ARHGAP24: variants seen among roughly 807,000 people sequenced by gnomAD.
The protein encoded by ARHGAP24 is rho GTPase-activating protein 24.
A neutral mutation model predicts 76.4 loss-of-function variants in ARHGAP24; 50 were observed. The observed-to-expected ratio is 0.65, with a 90% CI of 0.52 to 0.83. The LOEUF (loss-of-function observed/expected upper bound fraction) is 0.83, where lower values mean the gene tolerates loss of function less well. ARHGAP24 is among the 40% of genes least tolerant of loss of function. The pLI, the probability that ARHGAP24 is intolerant of heterozygous loss-of-function variation, is 0.00. For synonymous variants in ARHGAP24, 345 were observed against 323.3 expected (o/e 1.07, Z -0.72); for missense variants, 930 against 914.2 (o/e 1.02, Z -0.22).
chr4:85,676,174 GTC>G (rs141704056), intron 2 of ARHGAP24, among the ~76,000 whole-genome samples: 12,753 of 152,190 alleles, frequency 0.084, 727 homozygotes, highest in Non-Finnish European at 0.13. Context: ...ATCTCACTGA[GTC>G]TGTTTCGGCA....
chr4:85,779,855 A>G (rs1034389778), intron 3 of ARHGAP24, among the ~76,000 whole-genome samples: 29 of 152,182 alleles, frequency 1.9e-4, no homozygotes, highest in African/African-American at 6.5e-4. Context: ...ATAAAACAAC[A>G]ATGGAGAACA....
At chr4:85,820,300 A>G (rs922502581) in intron 3 of ARHGAP24, among the ~76,000 whole-genome samples, 22 of 152,230 alleles carry the variant, frequency 1.4e-4, no homozygotes, top group African/African-American at 5.1e-4. Context: ...AATACTATGC[A>G]GTCATGAAAA....
intron 2 of ARHGAP24, among the ~76,000 whole-genome samples, chr4:85,625,832 CT>C (rs1160127376): frequency 6.6e-6 from 1 of 152,132 alleles, no homozygotes; most frequent in African/African-American, 2.4e-5. Context: ...TAATGGCCTT[CT>C]TTGTCTCTTT....
chr4:85,526,602 C>T (rs1013243984), intron 1 of ARHGAP24, among the ~76,000 whole-genome samples: 10 of 151,868 alleles, frequency 6.6e-5, no homozygotes, highest in Non-Finnish European at 1.0e-4. Flanking sequence ...TTCATGGGAT[C>T]GTTTTCCCTA....
intron 3 of ARHGAP24, among the ~76,000 whole-genome samples, chr4:85,799,475 T>C (rs965050160): frequency 4.6e-5 from 7 of 152,174 alleles, no homozygotes; most frequent in Non-Finnish European, 7.4e-5. Flanking sequence ...TCTATACTAA[T>C]AGAAATAAAT....
At chr4:85,750,578 C>T (rs1726223704) in intron 3 of ARHGAP24, among the ~76,000 whole-genome samples, 1 of 147,908 alleles carries the variant, frequency 6.8e-6, no homozygotes, top group Non-Finnish European at 1.5e-5. Flanking sequence ...TCACTGCAAC[C>T]TCTGCCTCCC....
chr4:85,765,174 A>G (rs936016362), intron 3 of ARHGAP24, among the ~76,000 whole-genome samples: 1 of 152,176 alleles, frequency 6.6e-6, no homozygotes, highest in African/African-American at 2.4e-5. Context: ...TATGCTACAA[A>G]AAAAGGTGTG....
At chr4:85,608,550 T>G (rs755453298) in intron 2 of ARHGAP24, among the ~76,000 whole-genome samples, 48 of 91,302 alleles carry the variant, frequency 5.3e-4, no homozygotes, top group Non-Finnish European at 7.2e-4. Flanking sequence ...TTTGTTTGGT[T>G]GTTTTTTTTT....
intron 9 of ARHGAP24, 93 bp downstream of exon 9, chr4:85,995,750 C>G (rs1167742254): frequency 7.9e-7 from 1 of 1,266,640 alleles, no homozygotes; most frequent in African/African-American, 1.5e-5. Flanking sequence ...TATGCTGGCT[C>G]CAAAGTCAAA....
intron 2 of ARHGAP24, among the ~76,000 whole-genome samples, chr4:85,583,284 C>G (rs1283225002): frequency 6.6e-6 from 1 of 151,914 alleles, no homozygotes; most frequent in Non-Finnish European, 1.5e-5. Flanking sequence ...TTGTGGCTTT[C>G]CAGGAAGATG....
chr4:85,706,356 A>G (rs372718051), intron 2 of ARHGAP24, among the ~76,000 whole-genome samples: 128 of 152,306 alleles, frequency 8.4e-4, no homozygotes, highest in African/African-American at 2.8e-3. Context: ...CTACTAGCTA[A>G]GAACTGATAA....
intron 2 of ARHGAP24, among the ~76,000 whole-genome samples, chr4:85,643,234 G>GTGTGTGTTTT (rs1721592505): frequency 1.8e-5 from 1 of 54,610 alleles, no homozygotes; most frequent in African/African-American, 5.9e-5. Context: ...GTTTTTTTGT[G>GTGTGTGTTTT]TTTTTTTTTT....
rs1206855417 is a variant in ARHGAP24, at chr4:85,712,891, A to G, written c.181-8994A>G. 2.6e-5 allele frequency among the ~76,000 whole-genome samples: 4 copies of G among 152,266 alleles called. No individual in the cohort carries two copies. The South Asian group carries it at 6.2e-4, about 24-fold the overall frequency. On this transcript the variant is annotated intron_variant, in intron 2 of 9. Coordinates refer to ENST00000395184, the MANE Select transcript of ARHGAP24 (RefSeq NM_001025616.3). ...TCAGTAAGTGATACTATATTTACACATTTTCTAGGGCTGTCTTCCACAGTC... is the reference window on the plus strand; with the variant it reads ...TCAGTAAGTGATACTATATTTACACGTTTTCTAGGGCTGTCTTCCACAGTC...
intron 8 of ARHGAP24, among the ~76,000 whole-genome samples, chr4:85,989,412 A>G (rs997503876): frequency 6.6e-6 from 1 of 151,688 alleles, no homozygotes; most frequent in Admixed American, 6.6e-5. Flanking sequence ...CCACAAAAAC[A>G]AAAACACCTC....
At chr4:85,837,062 TG>T (rs200725082) in intron 3 of ARHGAP24, among the ~76,000 whole-genome samples, 1,687 of 152,358 alleles carry the variant, frequency 0.011, 32 homozygotes, top group African/African-American at 0.038. Flanking sequence ...CTAGCCCAGC[TG>T]TGACATATTT....
chr4:85,537,592 T>G (rs1466965064), intron 1 of ARHGAP24, among the ~76,000 whole-genome samples: 1 of 152,152 alleles, frequency 6.6e-6, no homozygotes, highest in Non-Finnish European at 1.5e-5. Context: ...TATTGCCTAT[T>G]TGAGTTTTTA....
At chr4:85,920,392 A>G (rs1392605002) in intron 3 of ARHGAP24, among the ~76,000 whole-genome samples, 1 of 152,224 alleles carries the variant, frequency 6.6e-6, no homozygotes, top group African/African-American at 2.4e-5. Flanking sequence ...AGATGGATTA[A>G]AGACTTAAAT....
At chr4:85,724,757 A>G (rs948716794) in intron 3 of ARHGAP24, among the ~76,000 whole-genome samples, 3 of 152,104 alleles carry the variant, frequency 2.0e-5, no homozygotes, top group Non-Finnish European at 2.9e-5. Context: ...TTGATTTCCT[A>G]TAGATTCATT....
intron 3 of ARHGAP24, among the ~76,000 whole-genome samples, chr4:85,808,500 A>G (rs1728883292): frequency 6.6e-6 from 1 of 152,216 alleles, no homozygotes; most frequent in South Asian, 2.1e-4. Flanking sequence ...GAATTATGCT[A>G]TCAGTTGCCG....
Sources: allele counts gnomAD v4.1 joint callset (sites outside exome capture counted in the v4.1 genomes callset), GRCh38; gene constraint gnomAD v4.1.1; transcripts MANE v1.5; gene names NCBI Gene and HGNC (gene_info 2026-07-23, HGNC 2026-07-21).